The following TMEM132D variants were observed in gnomAD, a reference collection of about 807,000 sequenced individuals.
TMEM132D encodes the protein mature OL transmembrane protein.
In TMEM132D, 21 loss-of-function variants were observed where a neutral mutation model predicts 62.3. The observed-to-expected ratio is 0.34, with a 90% CI of 0.24 to 0.49. The LOEUF (loss-of-function observed/expected upper bound fraction) is 0.49, where lower values mean the gene tolerates loss of function less well. Among genes scored for constraint, TMEM132D ranks in the 20% least tolerant of loss-of-function variants. The pLI is 0.99. For missense variants in TMEM132D, 1,346 were observed against 1,402.8 expected, an observed-to-expected ratio of 0.96 and a Z score of 0.65; for synonymous variants, 621 against 575.6, an observed-to-expected ratio of 1.08 and a Z score of -1.13.
At chr12:129,382,357 C>T (rs953884785) in intron 3 of TMEM132D, among the ~76,000 whole-genome samples, 1 of 152,174 alleles carries the variant, frequency 6.6e-6, no homozygotes, top group East Asian at 1.9e-4. Context: ...TTACTATAAT[C>T]GTCACTGGAA....
intron 4 of TMEM132D, among the ~76,000 whole-genome samples, chr12:129,226,258 A>G (rs932963979): frequency 8.5e-5 from 13 of 152,232 alleles, no homozygotes; most frequent in Non-Finnish European, 1.5e-4. Context: ...CTTCATTCCT[A>G]TGCAAATTGA....
At chr12:129,250,652 AG>A (rs988328855) in intron 4 of TMEM132D, among the ~76,000 whole-genome samples, 53 of 152,238 alleles carry the variant, frequency 3.5e-4, no homozygotes, top group African/African-American at 1.3e-3. Context: ...CATTTTCTCT[AG>A]GGGTTTGTTC....
intron 1 of TMEM132D, among the ~76,000 whole-genome samples, chr12:129,892,687 G>T (rs955024522): frequency 3.3e-5 from 5 of 151,924 alleles, no homozygotes; most frequent in African/African-American, 1.2e-4. Context: ...CTCTATACAC[G>T]CAGGCCACAT....
chr12:129,276,122 T>C (rs1227528516), intron 4 of TMEM132D, among the ~76,000 whole-genome samples: 1 of 152,184 alleles, frequency 6.6e-6, no homozygotes, highest in East Asian at 1.9e-4. Context: ...TCCCCCAAAC[T>C]AGATTTCACC....
intron 3 of TMEM132D, among the ~76,000 whole-genome samples, chr12:129,432,159 T>TGGA (rs1872673283): frequency 8.9e-5 from 12 of 134,454 alleles, no homozygotes; most frequent in African/African-American, 2.6e-4. Context: ...GGATGGATGC[T>TGGA]TGGATGGATG....
At position 129,801,934 on chromosome 12, in the gene TMEM132D, A is replaced by T. The variant is rs1267162347; in HGVS notation, c.80-101236T>A. Reference sequence around the variant, plus strand: ...GATGCGATCAACTGGAAGAAAGGGTATCAGCGATGGAAGATGAAATGAATG... The same window carrying T: ...GATGCGATCAACTGGAAGAAAGGGTTTCAGCGATGGAAGATGAAATGAATG... On this transcript the variant is annotated intron_variant, in intron 1 of 8. Coordinates refer to ENST00000422113, the MANE Select transcript of TMEM132D (RefSeq NM_133448.3). Among the ~76,000 whole-genome samples the T allele has an allele frequency of 2.6e-4, 40 of 151,852 alleles. No individual in the cohort carries two copies. The East Asian group carries it at 5.8e-3, about 22-fold the overall frequency.
At chr12:129,089,827 G>A (rs756532169) in intron 5 of TMEM132D, among the ~76,000 whole-genome samples, 1 of 152,256 alleles carries the variant, frequency 6.6e-6, no homozygotes, top group Non-Finnish European at 1.5e-5. Flanking sequence ...AGGACACAGG[G>A]GGCAGGGAAG....
chr12:129,281,143 C>A (rs369219325), intron 4 of TMEM132D, among the ~76,000 whole-genome samples: 3 of 152,018 alleles, frequency 2.0e-5, no homozygotes, highest in East Asian at 1.9e-4. Flanking sequence ...TTGTCTTCGC[C>A]ATACTCTATT....
chr12:129,374,297 T>C (rs1191813195), intron 3 of TMEM132D, among the ~76,000 whole-genome samples: 1 of 49,040 alleles, frequency 2.0e-5, no homozygotes, highest in East Asian at 4.9e-4. Context: ...GAGAGAGAGA[T>C]TGCCCCTTCT....
chr12:129,253,580 A>G (rs1254744211), intron 4 of TMEM132D, among the ~76,000 whole-genome samples: 1 of 152,164 alleles, frequency 6.6e-6, no homozygotes, highest in Non-Finnish European at 1.5e-5. Context: ...TATACCTACT[A>G]TTTCTGACAC....
chr12:129,526,346 A>T (rs1217646022), intron 3 of TMEM132D, among the ~76,000 whole-genome samples: 5 of 152,192 alleles, frequency 3.3e-5, no homozygotes, highest in East Asian at 3.9e-4. Context: ...GTGCAATGGC[A>T]TGATCTCGGC....
At chr12:129,642,063 A>G (rs1385916167) in intron 2 of TMEM132D, among the ~76,000 whole-genome samples, 1 of 152,042 alleles carries the variant, frequency 6.6e-6, no homozygotes, top group Non-Finnish European at 1.5e-5. Context: ...CAGTATTCCT[A>G]GCAGAGAGAC....
At chr12:129,213,625 G>A (rs1223378205) in intron 4 of TMEM132D, among the ~76,000 whole-genome samples, 3 of 152,218 alleles carry the variant, frequency 2.0e-5, no homozygotes, top group African/African-American at 7.2e-5. Flanking sequence ...AAAGCCTTGT[G>A]GAGGAGGGCG....
intron 2 of TMEM132D, among the ~76,000 whole-genome samples, chr12:129,660,680 G>C (rs937831140): frequency 4.6e-5 from 7 of 152,092 alleles, no homozygotes; most frequent in Non-Finnish European, 8.8e-5. Context: ...ACTCATGTGC[G>C]GGGGGTACAG....
intron 1 of TMEM132D, among the ~76,000 whole-genome samples, chr12:129,893,167 G>A (rs865804536): frequency 2.6e-5 from 4 of 152,098 alleles, no homozygotes; most frequent in East Asian, 1.9e-4. Flanking sequence ...GAGCCACCAC[G>A]CCTGGCTTAA....
At chr12:129,188,433 C>T (rs566262180) in intron 5 of TMEM132D, among the ~76,000 whole-genome samples, 2 of 152,268 alleles carry the variant, frequency 1.3e-5, no homozygotes, top group Non-Finnish European at 2.9e-5. Flanking sequence ...GAAATAAATG[C>T]TCACTCTTTC....
intron 3 of TMEM132D, among the ~76,000 whole-genome samples, chr12:129,403,807 G>A (rs1244032114): frequency 6.6e-6 from 1 of 152,160 alleles, no homozygotes; most frequent in East Asian, 1.9e-4. Context: ...TAGGAAGGTA[G>A]GCAGAGGAGA....
At chr12:129,330,473 G>A (rs911342682) in intron 4 of TMEM132D, among the ~76,000 whole-genome samples, 3 of 152,116 alleles carry the variant, frequency 2.0e-5, no homozygotes, top group Admixed American at 2.0e-4. Flanking sequence ...GGCCGTGAGG[G>A]CCCTACACTC....
At position 129,779,597 on chromosome 12, in the gene TMEM132D, T is replaced by A. The variant is rs1871057952; in HGVS notation, c.80-78899A>T. On this transcript the variant is annotated intron_variant, in intron 1 of 8. Coordinates refer to ENST00000422113, the MANE Select transcript of TMEM132D (RefSeq NM_133448.3). This position sits in a 1 kb window ranked among gnomAD's most constrained non-coding sequence, Gnocchi z 4.1. Reference sequence around the variant, plus strand: ...CACACCCGGCCCAGGTTTTTGTTATTGTTTTGGGTTTTTTTGTTTGTTTCT... The same window carrying A: ...CACACCCGGCCCAGGTTTTTGTTATAGTTTTGGGTTTTTTTGTTTGTTTCT... Among the ~76,000 whole-genome samples the A allele has an allele frequency of 6.6e-6, 1 of 152,146 alleles. No individual in the cohort carries two copies. The highest frequency in any genetic ancestry group is 1.5e-5 in the Non-Finnish European group (1 of 68,030).
Sources: allele counts gnomAD v4.1 joint callset (sites outside exome capture counted in the v4.1 genomes callset), GRCh38; gene constraint gnomAD v4.1.1; non-coding constraint Gnocchi (gnomAD v3.1); transcripts MANE v1.5; gene names NCBI Gene and HGNC (gene_info 2026-07-23, HGNC 2026-07-21).